The following AARS1 variants were observed in gnomAD, a reference collection of about 807,000 sequenced individuals.
AARS1 encodes alanyl-tRNA synthetase 1, also known as alanine--tRNA ligase, cytoplasmic.
A neutral mutation model predicts 108.9 loss-of-function variants in AARS1; 72 were observed. The ratio of observed to expected loss-of-function variants is 0.66; its 90% CI spans 0.55 to 0.80. The LOEUF is 0.80. Among genes scored for constraint, AARS1 ranks in the 30% least tolerant of loss-of-function variants. AARS1 has a pLI of 0.00. For missense variants in AARS1, 1,193 were observed against 1,233.2 expected (o/e 0.97, Z 0.49); for synonymous variants, 489 against 465.7 (o/e 1.05, Z -0.64).
In AARS1 at chr16:70,265,953, C is replaced by T. The variant is rs188780120; in HGVS notation, c.1223-291G>A. 0.015 allele frequency among the ~76,000 whole-genome samples: 2,215 copies of T among 152,140 alleles called. 53 individuals carry two copies. Among genetic ancestry groups the T allele is most frequent in the African/African-American group, 0.051 (2,115 of 41,496 alleles). On this transcript the variant is annotated intron_variant, in intron 9 of 20. Transcript: ENST00000261772. Reference sequence around the variant, plus strand: ...CAGCACTTTGAGAGGCCGAGGCGGGCGGATCATGAGGTCAGGAGATTGAGA... The same window carrying T: ...CAGCACTTTGAGAGGCCGAGGCGGGTGGATCATGAGGTCAGGAGATTGAGA...
At chr16:70,283,270 G>T (rs563611559) in intron 1 of AARS1, among the ~76,000 whole-genome samples, 73 of 152,190 alleles carry the variant, frequency 4.8e-4, no homozygotes, top group African/African-American at 1.7e-3. Flanking sequence ...GGTGGTGCGT[G>T]CCTGTAATCC....
chr16:70,258,545 A>G (rs988959158), intron 14 of AARS1, among the ~76,000 whole-genome samples: 6 of 152,036 alleles, frequency 3.9e-5, no homozygotes, highest in African/African-American at 1.4e-4. Flanking sequence ...AAAAGCACAG[A>G]TGGAGAATCA....
intron 12 of AARS1, chr16:70,261,442 A>T: frequency 3.0e-6 from 1 of 335,034 alleles, no homozygotes; most frequent in Non-Finnish European, 5.8e-6. Flanking sequence ...CTAAAAAAAT[A>T]CAAAAATTAG....
chr16:70,254,965 G>C (rs1011109838), intron 16 of AARS1, among the ~76,000 whole-genome samples: 1 of 152,144 alleles, frequency 6.6e-6, no homozygotes. Context: ...GGGTGATCAA[G>C]CTCGAGAATC....
rs148608437 is a variant in AARS1 at position 70,258,941 on chromosome 16, G to C, written c.1992+39C>G. Reference sequence around the variant, plus strand: ...CTAAGACTGTGGACAGACAGTGACGGTGTGGGGAGGGGGGGCATTCAGCCG... The same window carrying C: ...CTAAGACTGTGGACAGACAGTGACGCTGTGGGGAGGGGGGGCATTCAGCCG... On this transcript the variant is annotated intron_variant, in intron 14 of 20. Coordinates refer to ENST00000261772, the MANE Select transcript of AARS1 (RefSeq NM_001605.3). 9.0e-5 allele frequency: 143 copies of C among 1,584,278 alleles called. No individual in the cohort carries two copies. The African/African-American group carries it at 1.6e-3, about 18-fold the overall frequency.
chr16:70,282,615 C>T lies in AARS1; in HGVS notation c.144+5G>A, dbSNP rs1375729348. The T allele has an allele frequency of 6.2e-7, 1 of 1,614,098 alleles. No individual in the cohort carries two copies. The highest frequency in any genetic ancestry group is 1.7e-5 in the Admixed American group (1 of 60,004). ...AAAAGCCAAGAAAAAAGGAAAAACC[C>T]TTACCTGGTTCATGCCTGCATTGGC... On this transcript the variant is annotated splice_donor_5th_base_variant and intron_variant, in intron 2 of 20. Coordinates refer to ENST00000261772, the MANE Select transcript of AARS1 (RefSeq NM_001605.3).
At chr16:70,273,863 CAAAA>C (rs71385651) in intron 4 of AARS1, among the ~76,000 whole-genome samples, 2 of 54,260 alleles carry the variant, frequency 3.7e-5, no homozygotes, top group Admixed American at 2.6e-4. Context: ...ACTCCGTCTC[CAAAA>C]AAAAAAAAAA....
chr16:70,264,889 A>C (rs1960226340), intron 11 of AARS1, 69 bp downstream of exon 11: 3 of 1,601,786 alleles, frequency 1.9e-6, no homozygotes, highest in Admixed American at 3.4e-5. Context: ...AATCTTGAGA[A>C]ACAATCTTTC....
At chr16:70,265,757 A>C (rs1035609784) in intron 9 of AARS1, 95 bp from the exon 10 acceptor site, 1 of 1,523,746 alleles carries the variant, frequency 6.6e-7, no homozygotes, top group Non-Finnish European at 9.0e-7. Context: ...AGAAGGAATT[A>C]AAGACACAAG....
rs139785247 is a variant in AARS1, at chr16:70,271,834, C to A, written c.618G>T (p.Gln206His). The A allele has an allele frequency of 1.1e-5, 17 of 1,613,982 alleles. No individual in the cohort carries two copies. In the African/African-American group the frequency reaches 2.1e-4, roughly 20 times the overall value. ...GGRDAAHLVN[Q>H]DDPNVLEIWN... is the part of the protein sequence containing the mutation. ...AGATCTCCAGCACATTAGGGTCGTC[C>A]TGGTTGACAAGATGTGCGGCGTCCC... The change falls in exon 5 of 21, where the codon CAG becomes CAT. Residue 206 changes from glutamine (Q) to histidine (H), a missense_variant. Physicochemically the swap from Gln to His is conservative, Grantham distance 24 (BLOSUM62 0). Transcript: ENST00000261772.
chr16:70,275,688 G>A (rs1338848090), intron 4 of AARS1, among the ~76,000 whole-genome samples: 2 of 151,206 alleles, frequency 1.3e-5, no homozygotes, highest in African/African-American at 2.4e-5. Flanking sequence ...GCGTGAACCT[G>A]GGAGGCGGAG....
intron 1 of AARS1, among the ~76,000 whole-genome samples, chr16:70,288,098 CTTTTTTTTT>C (rs34369477): frequency 1.2e-5 from 1 of 83,888 alleles, no homozygotes; most frequent in Non-Finnish European, 2.2e-5. Flanking sequence ...TCCCCTTCTT[CTTTTTTTTT>C]TTTTTTTTTT....
chr16:70,273,150 A>T (rs1960450973), intron 4 of AARS1, among the ~76,000 whole-genome samples: 1 of 152,170 alleles, frequency 6.6e-6, no homozygotes, highest in South Asian at 2.1e-4. Context: ...ATATATCTAG[A>T]GTAAAAGTAA....
intron 8 of AARS1, 41 bp from the exon 9 acceptor site, chr16:70,267,850 G>A: frequency 6.2e-7 from 1 of 1,613,866 alleles, no homozygotes; most frequent in Non-Finnish European, 8.5e-7. Context: ...GATGAAGCCA[G>A]AGACTGTTCC....
chr16:70,255,700 A>T, intron 16 of AARS1, 28 bp downstream of exon 16: 1 of 1,599,986 alleles, frequency 6.3e-7, no homozygotes, highest in Non-Finnish European at 8.6e-7. Flanking sequence ...TTCTTCAGAT[A>T]AGCCACAAAC....
chr16:70,270,467 G>A, intron 5 of AARS1, 127 bp from the exon 6 acceptor site: 2 of 1,146,864 alleles, frequency 1.7e-6, no homozygotes, highest in Non-Finnish European at 2.6e-6. Context: ...TGCCCGGTTT[G>A]GTGGGAAGAG....
In AARS1 at chr16:70,267,665, T is replaced by A. The variant is rs1960294946; in HGVS notation, c.1216A>T (p.Ile406Phe). ...GGCAAAAACTGGTACCTACCGGGAA[T>A]GGTCTTGCTGTCTCCCAGGCTCTGA... ...KIQSLGDSKT[I>F]PGDTAWLLYD... Residue 406 changes from isoleucine to phenylalanine, a missense_variant, in exon 9 of 21, where the codon ATT becomes TTT. Physicochemically the swap from Ile to Phe is conservative, Grantham distance 21. Transcript: ENST00000261772. The A allele has an allele frequency of 6.2e-7, 1 of 1,614,030 alleles. No homozygotes were observed. Among genetic ancestry groups the A allele is most frequent in the Non-Finnish European group, 8.5e-7 (1 of 1,180,028 alleles).
At position 70,271,771 on chromosome 16, in the gene AARS1, CCAAGGCTACCTGTTATACTGGATGAACA is replaced by C; in HGVS notation, c.653_671+9del. The C allele has an allele frequency of 6.2e-7, 1 of 1,613,864 alleles. No individual in the cohort carries two copies. The highest frequency in any genetic ancestry group is 8.5e-7 in the Non-Finnish European group (1 of 1,179,904). ...TCAAGGAAAGGAATGGAGTAGGAAC[CCAAGGCTACCTGTTATACTGGATGAACA>C]CAAGGTTCCAGATCTCCAGCACATT... On this transcript the variant is annotated splice_donor_variant and splice_donor_5th_base_variant and coding_sequence_variant and intron_variant, in exon 5 of 21. Coordinates refer to ENST00000261772, the MANE Select transcript of AARS1 (RefSeq NM_001605.3). LOFTEE classifies it high-confidence loss of function.
At chr16:70,255,184 C>T (rs1482754435) in intron 16 of AARS1, among the ~76,000 whole-genome samples, 1 of 148,196 alleles carries the variant, frequency 6.7e-6, no homozygotes, top group East Asian at 2.0e-4. Context: ...GGGTAGATGG[C>T]CAGATTCACA....
Sources: gnomAD v4.1 joint callset for allele counts (sites outside exome capture counted in the v4.1 genomes callset) on GRCh38, gnomAD v4.1.1 for gene constraint, MANE v1.5 for transcripts, NCBI Gene and HGNC (gene_info 2026-07-23, HGNC 2026-07-21) for gene names.